INPP4B: variants seen among roughly 807,000 people sequenced by gnomAD.
INPP4B encodes inositol polyphosphate 4-phosphatase type II.
In INPP4B, 55 loss-of-function variants were observed where a neutral mutation model predicts 122.5. The ratio of observed to expected loss-of-function variants is 0.45; its 90% CI spans 0.36 to 0.56. The LOEUF (loss-of-function observed/expected upper bound fraction) is 0.56, where lower values mean the gene tolerates loss of function less well. Among genes scored for constraint, INPP4B ranks in the 20% least tolerant of loss-of-function variants. INPP4B has a pLI of 0.00. For missense variants in INPP4B, 1,000 were observed against 1,097.7 expected, an observed-to-expected ratio of 0.91 and a Z score of 1.26; for synonymous variants, 403 against 388.7, an observed-to-expected ratio of 1.04 and a Z score of -0.43.
intron 2 of INPP4B, among the ~76,000 whole-genome samples, chr4:142,477,374 C>T (rs1252723252): frequency 6.6e-6 from 1 of 151,714 alleles, no homozygotes; most frequent in East Asian, 1.9e-4. Flanking sequence ...TAACATCAAA[C>T]CTAGAGGAAC....
intron 1 of INPP4B, among the ~76,000 whole-genome samples, chr4:142,806,391 A>G (rs568806894): frequency 6.6e-6 from 1 of 152,080 alleles, no homozygotes; most frequent in African/African-American, 2.4e-5. Context: ...AAAAATTTAA[A>G]TACATTTTTT....
At chr4:142,352,073 T>C (rs1266306780) in intron 7 of INPP4B, among the ~76,000 whole-genome samples, 7 of 151,960 alleles carry the variant, frequency 4.6e-5, no homozygotes, top group African/African-American at 1.4e-4. Context: ...TGATGGGGTG[T>C]TCAGTAAAAT....
At chr4:142,831,551 T>C (rs1782141408) in intron 1 of INPP4B, among the ~76,000 whole-genome samples, 1 of 152,200 alleles carries the variant, frequency 6.6e-6, no homozygotes, top group Admixed American at 6.5e-5. Context: ...TAAAGAAAGA[T>C]TCCTCACTAT....
intron 15 of INPP4B, among the ~76,000 whole-genome samples, chr4:142,191,473 C>CAAAA (rs1030931064): frequency 6.6e-6 from 1 of 152,180 alleles, no homozygotes; most frequent in Non-Finnish European, 1.5e-5. Context: ...ATTCCATGGG[C>CAAAA]AAAACCCTGT....
chr4:142,144,740 G>T (rs997343415), intron 18 of INPP4B, among the ~76,000 whole-genome samples: 1 of 152,058 alleles, frequency 6.6e-6, no homozygotes, highest in African/African-American at 2.4e-5. Flanking sequence ...GAATACTTTA[G>T]AAAGCCATAG....
chr4:142,602,786 G>T (rs1240147395), intron 2 of INPP4B, among the ~76,000 whole-genome samples: 2 of 152,202 alleles, frequency 1.3e-5, no homozygotes, highest in Non-Finnish European at 2.9e-5. Flanking sequence ...TTCAACCATT[G>T]TGGAAGAGAG....
chr4:142,238,868 A>G (rs1440424583), intron 11 of INPP4B, among the ~76,000 whole-genome samples: 2 of 152,132 alleles, frequency 1.3e-5, no homozygotes, highest in African/African-American at 2.4e-5. Flanking sequence ...CTCTTCAGCA[A>G]TGAATGCCTA....
At chr4:142,757,611 T>C (rs1209280337) in intron 1 of INPP4B, among the ~76,000 whole-genome samples, 1 of 152,182 alleles carries the variant, frequency 6.6e-6, no homozygotes, top group Admixed American at 6.6e-5. Flanking sequence ...TCTAACTTGA[T>C]AGCTCATTTC....
intron 2 of INPP4B, among the ~76,000 whole-genome samples, chr4:142,544,743 T>C (rs1221975912): frequency 6.6e-6 from 1 of 152,078 alleles, no homozygotes; most frequent in Non-Finnish European, 1.5e-5. Context: ...AGGTGGTCGA[T>C]TGAGACTGCG....
intron 17 of INPP4B, among the ~76,000 whole-genome samples, chr4:142,157,251 A>ATGTTAG (rs1817717222): frequency 6.6e-6 from 1 of 152,164 alleles, no homozygotes; most frequent in Non-Finnish European, 1.5e-5. Flanking sequence ...TTTGAGAATA[A>ATGTTAG]TGTTAGTGTT....
intron 2 of INPP4B, among the ~76,000 whole-genome samples, chr4:142,487,531 T>G (rs551296446): frequency 6.6e-6 from 1 of 152,246 alleles, no homozygotes; most frequent in African/African-American, 2.4e-5. Flanking sequence ...TACATTAAAT[T>G]TATATATCAA....
chr4:142,843,034 A>G (rs1783749117), intron 1 of INPP4B, among the ~76,000 whole-genome samples: 2 of 149,214 alleles, frequency 1.3e-5, no homozygotes, highest in African/African-American at 4.9e-5. Flanking sequence ...TAGTGAAAAT[A>G]TATTTAAAAA....
intron 25 of INPP4B, among the ~76,000 whole-genome samples, chr4:142,035,306 C>T (rs1258833856): frequency 3.3e-5 from 5 of 152,110 alleles, no homozygotes; most frequent in South Asian, 4.1e-4. Flanking sequence ...TGAATGAGAT[C>T]GTCCCAACGT....
intron 2 of INPP4B, among the ~76,000 whole-genome samples, chr4:142,506,701 T>A (rs1824074074): frequency 6.6e-6 from 1 of 152,224 alleles, no homozygotes; most frequent in Admixed American, 6.5e-5. Flanking sequence ...GGAATTCTTG[T>A]GTCAGAACCG....
At chr4:142,090,986 A>G (rs1184073397) in intron 23 of INPP4B, among the ~76,000 whole-genome samples, 1 of 152,202 alleles carries the variant, frequency 6.6e-6, no homozygotes, top group African/African-American at 2.4e-5. Context: ...TCAAATGTGC[A>G]AAACTGTACC....
At chr4:142,502,064 T>G (rs1273790798) in intron 2 of INPP4B, among the ~76,000 whole-genome samples, 2 of 152,162 alleles carry the variant, frequency 1.3e-5, no homozygotes, top group African/African-American at 4.8e-5. Context: ...AAACAGTAGC[T>G]AAGGACATCA....
At chr4:142,637,345 C>T (rs907339220) in intron 2 of INPP4B, among the ~76,000 whole-genome samples, 2 of 152,236 alleles carry the variant, frequency 1.3e-5, no homozygotes, top group African/African-American at 4.8e-5. Context: ...CTATGTCATG[C>T]CTATTCATCC....
At chr4:142,560,862 C>A (rs1220160900) in intron 2 of INPP4B, among the ~76,000 whole-genome samples, 1 of 152,178 alleles carries the variant, frequency 6.6e-6, no homozygotes. Context: ...CACCCAGGAA[C>A]AATACTTTGC....
chr4:142,724,072 T>C (rs1765037149), intron 2 of INPP4B, among the ~76,000 whole-genome samples: 1 of 152,172 alleles, frequency 6.6e-6, no homozygotes, highest in African/African-American at 2.4e-5. Context: ...AATGATTCCT[T>C]GATTCCTTTA....
Sources: gnomAD v4.1 joint callset for allele counts (sites outside exome capture counted in the v4.1 genomes callset) on GRCh38, gnomAD v4.1.1 for gene constraint, MANE v1.5 for transcripts, NCBI Gene and HGNC (gene_info 2026-07-23, HGNC 2026-07-21) for gene names.